MYO1D: variants seen among roughly 807,000 people sequenced by gnomAD.
MYO1D encodes myosin ID, also known as unconventional myosin-Id.
MYO1D carries 83 observed loss-of-function variants against 122.0 expected under a neutral mutation model. The observed-to-expected ratio is 0.68, with a 90% CI of 0.57 to 0.82. The LOEUF is 0.82. Ranked by LOEUF, MYO1D falls within the 40% of genes least tolerant of loss-of-function variation. The pLI is 0.00. For missense variants in MYO1D, 1,157 were observed against 1,269.5 expected, an observed-to-expected ratio of 0.91 and a Z score of 1.35; for synonymous variants, 464 against 446.9, an observed-to-expected ratio of 1.04 and a Z score of -0.48.
intron 21 of MYO1D, among the ~76,000 whole-genome samples, chr17:32,580,863 G>T (rs1445652537): frequency 2.0e-5 from 3 of 152,096 alleles, no homozygotes; most frequent in Non-Finnish European, 4.4e-5. Context: ...ACTAAATATT[G>T]CTTATAATTC....
chr17:32,578,983 C>G (rs576905902), intron 21 of MYO1D, among the ~76,000 whole-genome samples: 55 of 152,338 alleles, frequency 3.6e-4, no homozygotes, highest in African/African-American at 1.3e-3. Flanking sequence ...TCTTGCCACT[C>G]CTCTCAACAC....
At chr17:32,606,373 CA>C (rs2087628391) in intron 20 of MYO1D, among the ~76,000 whole-genome samples, 1 of 152,082 alleles carries the variant, frequency 6.6e-6, no homozygotes, top group African/African-American at 2.4e-5. Flanking sequence ...ATTCTGATAT[CA>C]AAAATAAACA....
At chr17:32,629,391 TG>T (rs2087972530) in intron 20 of MYO1D, among the ~76,000 whole-genome samples, 1 of 151,826 alleles carries the variant, frequency 6.6e-6, no homozygotes, top group African/African-American at 2.4e-5. Flanking sequence ...ATTAGGAGGT[TG>T]GGGGGTTTCA....
intron 21 of MYO1D, among the ~76,000 whole-genome samples, chr17:32,532,298 G>A (rs112105120): frequency 3.3e-5 from 5 of 152,122 alleles, no homozygotes; most frequent in African/African-American, 9.7e-5. Context: ...TATATCTGCC[G>A]CCTCAAGCAG....
At chr17:32,784,323 C>T (rs553828203) in intron 1 of MYO1D, among the ~76,000 whole-genome samples, 1 of 152,146 alleles carries the variant, frequency 6.6e-6, no homozygotes, top group Non-Finnish European at 1.5e-5. Context: ...TTCCTGGTTC[C>T]TTCTTCCCCA....
chr17:32,526,566 CTT>C (rs1910348613), intron 21 of MYO1D, among the ~76,000 whole-genome samples: 1 of 151,624 alleles, frequency 6.6e-6, no homozygotes, highest in South Asian at 2.1e-4. Flanking sequence ...GCTAGAGACT[CTT>C]TATCTAGATC....
chr17:32,861,188 C>T (rs1692843928), intron 1 of MYO1D, among the ~76,000 whole-genome samples: 1 of 116,324 alleles, frequency 8.6e-6, no homozygotes, highest in Admixed American at 8.4e-5. Context: ...CCTGCTTCAG[C>T]CTCCCGAGCT....
At chr17:32,628,629 A>C (rs1348833543) in intron 20 of MYO1D, among the ~76,000 whole-genome samples, 5 of 152,248 alleles carry the variant, frequency 3.3e-5, no homozygotes, top group African/African-American at 1.2e-4. Context: ...GTTCTCATAA[A>C]GATTAATTGA....
intron 1 of MYO1D, among the ~76,000 whole-genome samples, chr17:32,833,564 G>T (rs2090792116): frequency 6.6e-6 from 1 of 151,988 alleles, no homozygotes; most frequent in Admixed American, 6.6e-5. Context: ...CTCTCCAATG[G>T]CACCCCAGCT....
chr17:32,630,633 T>C (rs1597951886), intron 20 of MYO1D, among the ~76,000 whole-genome samples: 1 of 151,872 alleles, frequency 6.6e-6, no homozygotes, highest in Non-Finnish European at 1.5e-5. Context: ...AGTGCAGTGG[T>C]GTGATCTCGG....
intron 1 of MYO1D, among the ~76,000 whole-genome samples, chr17:32,807,810 A>G (rs533282112): frequency 7.9e-5 from 12 of 152,352 alleles, no homozygotes; most frequent in Non-Finnish European, 1.8e-4. Context: ...AAGCCTTCTT[A>G]CATTAAAGCC....
At chr17:32,833,365 A>G (rs2090790301) in intron 1 of MYO1D, among the ~76,000 whole-genome samples, 2 of 152,208 alleles carry the variant, frequency 1.3e-5, no homozygotes, top group African/African-American at 4.8e-5. Context: ...TCTTCAAAGC[A>G]TATCTAGAGT....
chr17:32,559,463 G>A (rs2087098415), intron 21 of MYO1D, among the ~76,000 whole-genome samples: 1 of 152,208 alleles, frequency 6.6e-6, no homozygotes, highest in African/African-American at 2.4e-5. Context: ...CCAATCACAG[G>A]TGTTCAGCTG....
At chr17:32,832,331 C>T (rs1242408769) in intron 1 of MYO1D, among the ~76,000 whole-genome samples, 5 of 149,952 alleles carry the variant, frequency 3.3e-5, no homozygotes, top group Non-Finnish European at 7.4e-5. Flanking sequence ...CATGGAGTCA[C>T]GCTCTGTCAC....
intron 21 of MYO1D, among the ~76,000 whole-genome samples, chr17:32,562,561 C>T (rs915693750): frequency 6.6e-6 from 1 of 152,104 alleles, no homozygotes; most frequent in Non-Finnish European, 1.5e-5. Context: ...AGGCTCACTG[C>T]AGCCTTGACC....
At chr17:32,575,423 T>G (rs1415939889) in intron 21 of MYO1D, among the ~76,000 whole-genome samples, 1 of 152,242 alleles carries the variant, frequency 6.6e-6, no homozygotes, top group African/African-American at 2.4e-5. Context: ...TTGAAATTAG[T>G]GAGGCTTTAT....
At chr17:32,664,766 CG>C (rs1039591473) in intron 16 of MYO1D, among the ~76,000 whole-genome samples, 2 of 152,192 alleles carry the variant, frequency 1.3e-5, no homozygotes, top group Admixed American at 1.3e-4. Context: ...GCTGGCATGG[CG>C]TTGCACACAT....
At position 32,758,656 on chromosome 17, in the gene MYO1D, G is replaced by A. The variant is rs184369473; in HGVS notation, c.1296+1634C>T. ...GTTAAAGCCAGGTGATGGGTATATA[G>A]GGTTTACTGTACTATAGTCTGTCTT... On this transcript the variant is annotated intron_variant, in intron 10 of 21. Transcript: ENST00000318217. 3.2e-4 allele frequency among the ~76,000 whole-genome samples: 48 copies of A among 152,206 alleles called. 1 individual carries two copies. The highest frequency in any genetic ancestry group is 6.8e-3 in the Middle Eastern group (2 of 294).
intron 20 of MYO1D, among the ~76,000 whole-genome samples, chr17:32,613,057 T>C (rs2087723573): frequency 6.6e-6 from 1 of 152,150 alleles, no homozygotes; most frequent in Admixed American, 6.5e-5. Context: ...TGTAAGCCAC[T>C]GCACCAGGCC....
Sources: allele counts gnomAD v4.1 joint callset (sites outside exome capture counted in the v4.1 genomes callset), GRCh38; gene constraint gnomAD v4.1.1; transcripts MANE v1.5; gene names NCBI Gene and HGNC (gene_info 2026-07-23, HGNC 2026-07-21).